Variants in MAPKAPK2 observed in about 807,000 individuals in gnomAD.
MAPKAPK2 encodes MAPK activated protein kinase 2.
A neutral mutation model predicts 48.8 loss-of-function variants in MAPKAPK2; 9 were observed. The observed-to-expected ratio is 0.18, with a 90% CI of 0.11 to 0.32. The LOEUF is 0.32. Ranked by LOEUF, MAPKAPK2 falls within the 10% of genes least tolerant of loss-of-function variation. The pLI, the probability that MAPKAPK2 is intolerant of heterozygous loss-of-function variation, is 1.00. For synonymous variants in MAPKAPK2, 202 were observed against 190.6 expected (o/e 1.06, Z -0.49); for missense variants, 331 against 498.3 (o/e 0.66, Z 3.20).
At chr1:206,709,450 G>A (rs936422706) in intron 1 of MAPKAPK2, among the ~76,000 whole-genome samples, 1 of 152,164 alleles carries the variant, frequency 6.6e-6, no homozygotes, top group African/African-American at 2.4e-5. Flanking sequence ...GGGTGCATTT[G>A]GATCCCTGTC....
intron 1 of MAPKAPK2, among the ~76,000 whole-genome samples, chr1:206,725,061 C>T (rs569728300): frequency 6.6e-5 from 10 of 152,312 alleles, no homozygotes; most frequent in East Asian, 3.9e-4. Flanking sequence ...ATTCAAAATG[C>T]ATGCGATTGC....
chr1:206,698,861 A>G (rs186071408), intron 1 of MAPKAPK2, among the ~76,000 whole-genome samples: 40 of 152,338 alleles, frequency 2.6e-4, no homozygotes, highest in Admixed American at 1.2e-3. Context: ...AGGTAGAGGA[A>G]TAGCAAGTGC....
intron 1 of MAPKAPK2, among the ~76,000 whole-genome samples, chr1:206,708,891 G>A (rs1270362677): frequency 6.6e-6 from 1 of 152,178 alleles, no homozygotes; most frequent in Non-Finnish European, 1.5e-5. Flanking sequence ...TCTCCCTTTT[G>A]TGTGAATTTC....
chr1:206,693,729 A>G (rs1672526256), intron 1 of MAPKAPK2, among the ~76,000 whole-genome samples: 1 of 152,192 alleles, frequency 6.6e-6, no homozygotes, highest in African/African-American at 2.4e-5. Flanking sequence ...CCTGTCACCG[A>G]GCATGCTACC....
intron 1 of MAPKAPK2, among the ~76,000 whole-genome samples, chr1:206,713,998 G>A (rs1484215728): frequency 6.6e-6 from 1 of 152,196 alleles, no homozygotes; most frequent in Non-Finnish European, 1.5e-5. Context: ...CGGAGGGAGA[G>A]AGTCTGAGGA....
chr1:206,707,723 T>A (rs1337243306), intron 1 of MAPKAPK2, among the ~76,000 whole-genome samples: 1 of 152,000 alleles, frequency 6.6e-6, no homozygotes, highest in Non-Finnish European at 1.5e-5. Flanking sequence ...GGTTTGGGGG[T>A]AGGGCATGGG....
intron 1 of MAPKAPK2, among the ~76,000 whole-genome samples, chr1:206,695,467 T>G (rs1553426868): frequency 6.6e-6 from 1 of 151,276 alleles, no homozygotes; most frequent in East Asian, 1.9e-4. Flanking sequence ...TTTTTTTTTT[T>G]GGAACACATG....
chr1:206,732,834 G>C lies in MAPKAPK2; in HGVS notation c.*116G>C. 8.0e-7 allele frequency: 1 copy of C among 1,245,924 alleles called. No individual in the cohort carries two copies. Among genetic ancestry groups the C allele is most frequent in the Non-Finnish European group, 1.1e-6 (1 of 898,118 alleles). The allele number at this position is 1,245,924 out of a possible 1,614,324, so 77.2% of individuals were successfully genotyped here. On this transcript the variant is annotated 3_prime_UTR_variant, in exon 10 of 10. Transcript: ENST00000367103. The surrounding 1 kb of genome is among the most constrained non-coding windows in gnomAD (Gnocchi z 4.4). ...GCCTCCTCTCCTCCTCAGCTGCATG[G>C]AGCCTGGAACTGCATCAGTGACTGA...
intron 1 of MAPKAPK2, among the ~76,000 whole-genome samples, chr1:206,692,410 G>T (rs1361990561): frequency 6.6e-6 from 1 of 152,210 alleles, no homozygotes; most frequent in Non-Finnish European, 1.5e-5. Context: ...GAGGAAAAGG[G>T]GTTGCCTGGT....
intron 1 of MAPKAPK2, among the ~76,000 whole-genome samples, chr1:206,713,142 G>A (rs1673212455): frequency 1.3e-5 from 2 of 152,298 alleles, no homozygotes; most frequent in Admixed American, 1.3e-4. Context: ...GCTTCCAAGA[G>A]GTACATGGTC....
chr1:206,731,150 T>C lies in MAPKAPK2; in HGVS notation c.780T>C (p.Tyr260=), dbSNP rs942641552. 1 of 1,614,102 alleles carries C rather than the reference T, an allele frequency of 6.2e-7. No homozygotes were observed. Among genetic ancestry groups the C allele is most frequent in the Non-Finnish European group, 8.5e-7 (1 of 1,180,008 alleles). Reference sequence around the variant, plus strand: ...CCTGTTGATGCAGGCTGTGTGGGTATCCCCCCTTCTACTCCAACCACGGCC... The same window carrying C: ...CCTGTTGATGCAGGCTGTGTGGGTACCCCCCCTTCTACTCCAACCACGGCC... The part of the protein sequence containing the change: ...GVIMYILLCG[Y]PPFYSNHGLA... Residue 260 remains tyrosine, a synonymous_variant, in exon 7 of 10, where the codon TAT becomes TAC. Coordinates refer to ENST00000367103, the MANE Select transcript of MAPKAPK2 (RefSeq NM_032960.4). This position sits in a 1 kb window ranked among gnomAD's most constrained non-coding sequence, Gnocchi z 5.9.
At chr1:206,691,482 G>GAGATATATATATATATATATAT (rs1553426249) in intron 1 of MAPKAPK2, among the ~76,000 whole-genome samples, 1 of 77,294 alleles carries the variant, frequency 1.3e-5, no homozygotes, top group Non-Finnish European at 2.8e-5. Context: ...TGTATTTTAA[G>GAGATATATATATATATATATAT]ATATATATAT....
At chr1:206,686,462 G>A (rs2102368590) in intron 1 of MAPKAPK2, among the ~76,000 whole-genome samples, 1 of 152,320 alleles carries the variant, frequency 6.6e-6, no homozygotes, top group East Asian at 1.9e-4. Context: ...TGAGATGGGT[G>A]GGTCCGCAGT....
intron 1 of MAPKAPK2, among the ~76,000 whole-genome samples, chr1:206,714,525 G>T (rs1404740093): frequency 1.3e-5 from 2 of 152,096 alleles, no homozygotes; most frequent in East Asian, 3.9e-4. Flanking sequence ...CATTTTGAGA[G>T]GCTGAGGCAG....
chr1:206,690,252 T>C (rs1348463004), intron 1 of MAPKAPK2, among the ~76,000 whole-genome samples: 1 of 152,228 alleles, frequency 6.6e-6, no homozygotes, highest in Non-Finnish European at 1.5e-5. Flanking sequence ...ATCCTGTCCC[T>C]CCTGGCCGTA....
intron 1 of MAPKAPK2, among the ~76,000 whole-genome samples, chr1:206,703,931 G>C (rs965418944): frequency 6.6e-6 from 1 of 152,234 alleles, no homozygotes; most frequent in Non-Finnish European, 1.5e-5. Flanking sequence ...CGGGGAGCTT[G>C]AGAGTGCCCT....
intron 1 of MAPKAPK2, among the ~76,000 whole-genome samples, chr1:206,695,256 T>C (rs1414683368): frequency 1.3e-5 from 2 of 152,136 alleles, no homozygotes; most frequent in East Asian, 1.9e-4. Flanking sequence ...GGTTGAAACA[T>C]GTGGCTAACT....
chr1:206,718,647 A>T (rs940400145), intron 1 of MAPKAPK2, among the ~76,000 whole-genome samples: 1 of 151,838 alleles, frequency 6.6e-6, no homozygotes, highest in Non-Finnish European at 1.5e-5. Context: ...GTCGCCGTGG[A>T]TGGGGAGCTG....
intron 1 of MAPKAPK2, among the ~76,000 whole-genome samples, chr1:206,727,200 A>G (rs145595810): frequency 4.6e-5 from 7 of 152,300 alleles, no homozygotes; most frequent in African/African-American, 1.4e-4. Flanking sequence ...CACTTAGACA[A>G]TTGGTGATAA....
Sources: allele counts gnomAD v4.1 joint callset (sites outside exome capture counted in the v4.1 genomes callset), GRCh38; gene constraint gnomAD v4.1.1; non-coding constraint Gnocchi (gnomAD v3.1); transcripts MANE v1.5; gene names NCBI Gene and HGNC (gene_info 2026-07-23, HGNC 2026-07-21).